The following RETREG1 variants were observed in gnomAD, a reference collection of about 807,000 sequenced individuals.
The protein encoded by RETREG1 is family with sequence similarity 134 member B.
In RETREG1, 44 loss-of-function variants were observed where a neutral mutation model predicts 54.8. The ratio of observed to expected loss-of-function variants is 0.80; its 90% CI spans 0.63 to 1.03. RETREG1 has a LOEUF of 1.03. Among genes scored for constraint, RETREG1 ranks in the 50% least tolerant of loss-of-function variants. RETREG1 has a pLI of 0.00. For synonymous variants in RETREG1, 217 were observed against 238.5 expected (o/e 0.91, Z 0.83); for missense variants, 554 against 605.1 (o/e 0.92, Z 0.89).
chr5:16,514,546 T>A (rs1049804250), intron 3 of RETREG1, among the ~76,000 whole-genome samples: 1 of 152,228 alleles, frequency 6.6e-6, no homozygotes, highest in African/African-American at 2.4e-5. Flanking sequence ...ATTTTTTTAT[T>A]TCAATAGTTT....
chr5:16,583,443 A>G (rs1742546130), intron 1 of RETREG1, among the ~76,000 whole-genome samples: 1 of 152,132 alleles, frequency 6.6e-6, no homozygotes, highest in Non-Finnish European at 1.5e-5. Flanking sequence ...CAGTGAGTGA[A>G]GATCACGCCA....
intron 3 of RETREG1, among the ~76,000 whole-genome samples, chr5:16,527,990 T>A (rs1352774608): frequency 6.6e-6 from 1 of 151,848 alleles, no homozygotes; most frequent in African/African-American, 2.4e-5. Flanking sequence ...TTTGTATTTT[T>A]AGTACAGACG....
At chr5:16,488,881 G>A (rs1739128710) in intron 3 of RETREG1, among the ~76,000 whole-genome samples, 1 of 151,882 alleles carries the variant, frequency 6.6e-6, no homozygotes, top group African/African-American at 2.4e-5. Flanking sequence ...TCAGGAGATC[G>A]AGACCATCTT....
chr5:16,499,582 G>A (rs894645822), intron 3 of RETREG1, among the ~76,000 whole-genome samples: 4 of 152,194 alleles, frequency 2.6e-5, no homozygotes, highest in African/African-American at 4.8e-5. Flanking sequence ...ATCACCAGGC[G>A]ATGTCACTTC....
chr5:16,556,495 A>C (rs1457558416), intron 3 of RETREG1, among the ~76,000 whole-genome samples: 2 of 152,114 alleles, frequency 1.3e-5, no homozygotes, highest in Non-Finnish European at 2.9e-5. Flanking sequence ...TGGGTGACTG[A>C]ACTCATGTTC....
At chr5:16,580,487 C>A (rs765901163) in intron 1 of RETREG1, among the ~76,000 whole-genome samples, 2 of 152,204 alleles carry the variant, frequency 1.3e-5, no homozygotes, top group Admixed American at 1.3e-4. Flanking sequence ...TGTAGAAGAA[C>A]TAAATACCAT....
chr5:16,474,705 G>GTTTTTTTTTTT lies in RETREG1; in HGVS notation c.*35_*36insAAAAAAAAAAA. The GTTTTTTTTTTT allele has an allele frequency of 2.1e-6, 3 of 1,453,218 alleles. No individual in the cohort carries two copies. Among genetic ancestry groups the GTTTTTTTTTTT allele is most frequent in the South Asian group, 1.6e-5 (1 of 64,130 alleles). 90.0% of individuals were successfully genotyped at this position (1,453,218 alleles called of 1,614,324 possible). On this transcript the variant is annotated 3_prime_UTR_variant, in exon 9 of 9. Transcript: ENST00000306320. Reference sequence around the variant, plus strand: ...TTTTTTCTTGTTTGAAATTTTTTTGGTGTTTTTTGTGCTCTGTTGCAAGCT... The same window carrying GTTTTTTTTTTT: ...TTTTTTCTTGTTTGAAATTTTTTTGGTTTTTTTTTTTTGTTTTTTGTGCTCTGTTGCAAGCT...
chr5:16,516,062 GCA>G (rs1740344121), intron 3 of RETREG1, among the ~76,000 whole-genome samples: 1 of 93,930 alleles, frequency 1.1e-5, no homozygotes, highest in Non-Finnish European at 2.2e-5. Context: ...TTGAAATAAA[GCA>G]AAAAAAAAAA....
intron 3 of RETREG1, among the ~76,000 whole-genome samples, chr5:16,491,050 C>T (rs918466565): frequency 3.9e-5 from 6 of 152,188 alleles, no homozygotes; most frequent in East Asian, 3.8e-4. Flanking sequence ...AATTACAACA[C>T]GTGCCCATAA....
At chr5:16,478,173 T>G in intron 6 of RETREG1, 75 bp from the exon 7 acceptor site, 1 of 877,332 alleles carries the variant, frequency 1.1e-6, no homozygotes, top group South Asian at 1.4e-5. Context: ...CATTATGTAT[T>G]CTTACCCCAC....
At chr5:16,614,714 G>T (rs1743442555) in intron 1 of RETREG1, among the ~76,000 whole-genome samples, 1 of 152,188 alleles carries the variant, frequency 6.6e-6, no homozygotes, top group African/African-American at 2.4e-5. Context: ...TGCATGTACA[G>T]GGTCATTAGC....
At chr5:16,491,323 A>G (rs1319441872) in intron 3 of RETREG1, among the ~76,000 whole-genome samples, 3 of 152,208 alleles carry the variant, frequency 2.0e-5, no homozygotes, top group African/African-American at 7.2e-5. Context: ...TATGAATTGC[A>G]ATTAATTTAT....
At chr5:16,581,521 AACACAAC>A (rs1301082659) in intron 1 of RETREG1, among the ~76,000 whole-genome samples, 106 of 85,226 alleles carry the variant, frequency 1.2e-3, no homozygotes, top group African/African-American at 3.4e-3. Context: ...TAAGTTCAGA[AACACAAC>A]ACACACACAC....
At chr5:16,615,399 CAA>C (rs35626131) in intron 1 of RETREG1, among the ~76,000 whole-genome samples, 20 of 92,800 alleles carry the variant, frequency 2.2e-4, no homozygotes, top group African/African-American at 5.3e-4. Flanking sequence ...GACTCCATCT[CAA>C]AAAAAAAAAA....
At chr5:16,605,992 A>G (rs1230207990) in intron 1 of RETREG1, among the ~76,000 whole-genome samples, 1 of 152,156 alleles carries the variant, frequency 6.6e-6, no homozygotes, top group Non-Finnish European at 1.5e-5. Flanking sequence ...GATTTCCTAA[A>G]CTACTTGAAT....
intron 1 of RETREG1, among the ~76,000 whole-genome samples, chr5:16,613,354 T>C (rs1207213900): frequency 6.6e-6 from 1 of 152,198 alleles, no homozygotes; most frequent in Admixed American, 6.5e-5. Flanking sequence ...CCCAAATCAT[T>C]CTTATCCACT....
chr5:16,525,838 G>C (rs1385517919), intron 3 of RETREG1, among the ~76,000 whole-genome samples: 2 of 152,100 alleles, frequency 1.3e-5, no homozygotes, highest in Non-Finnish European at 2.9e-5. Flanking sequence ...TGCACGGTAG[G>C]CCAACGGGCT....
intron 3 of RETREG1, among the ~76,000 whole-genome samples, chr5:16,515,295 CT>C (rs1313530286): frequency 6.6e-6 from 1 of 152,152 alleles, no homozygotes; most frequent in Non-Finnish European, 1.5e-5. Flanking sequence ...AATCCATCAC[CT>C]TTCTGAAACT....
intron 1 of RETREG1, among the ~76,000 whole-genome samples, chr5:16,590,749 C>T (rs1209482341): frequency 2.6e-5 from 4 of 152,078 alleles, no homozygotes; most frequent in East Asian, 1.9e-4. Context: ...TAGAAGCTCA[C>T]CTCTTCCCAG....
Sources: gnomAD v4.1 joint callset for allele counts (sites outside exome capture counted in the v4.1 genomes callset) on GRCh38, gnomAD v4.1.1 for gene constraint, MANE v1.5 for transcripts, NCBI Gene and HGNC (gene_info 2026-07-23, HGNC 2026-07-21) for gene names.